The following EPHA7 variants were observed in gnomAD, a reference collection of about 807,000 sequenced individuals.
The protein encoded by EPHA7 is ephrin type-A receptor 7.
EPHA7 carries 25 observed loss-of-function variants against 112.6 expected under a neutral mutation model. The ratio of observed to expected loss-of-function variants is 0.22; its 90% confidence interval spans 0.16 to 0.31. The LOEUF (loss-of-function observed/expected upper bound fraction) is 0.31, where lower values mean the gene tolerates loss of function less well. Among genes scored for constraint, EPHA7 ranks in the 10% least tolerant of loss-of-function variants. The pLI is 1.00. For synonymous variants in EPHA7, 437 were observed against 406.5 expected (o/e 1.07, Z -0.90); for missense variants, 962 against 1,212.6 (o/e 0.79, Z 3.07).
In EPHA7 at chr6:93,411,075, C is replaced by T. The variant is rs1778953472; in HGVS notation, c.258G>A (p.Arg86=). 6.2e-7 allele frequency: 1 copy of T among 1,613,932 alleles called. No homozygotes were observed. The highest frequency in any genetic ancestry group is 8.5e-7 in the Non-Finnish European group (1 of 1,179,972). The change falls in exon 3 of 17, where the codon CGG becomes CGA. Residue 86 remains arginine, a synonymous_variant. Transcript: ENST00000369303. Reference sequence around the variant, plus strand: ...CATTGCCTTTGGAAATCCAGTTAGTCCGCAGCCAGTTGTTTTGGTTGGGCT... The same window carrying T: ...CATTGCCTTTGGAAATCCAGTTAGTTCGCAGCCAGTTGTTTTGGTTGGGCT... The part of the protein sequence containing the change: ...VMEPNQNNWL[R]TNWISKGNAQ...
rs1286521734 is a variant in EPHA7, at chr6:93,314,983, C to T, written c.1324+41734G>A. On this transcript the variant is annotated intron_variant, in intron 5 of 16. Coordinates refer to ENST00000369303, the MANE Select transcript of EPHA7 (RefSeq NM_004440.4). ...GTTCACGCCATTCTCCTGCCTCAGC[C>T]TCCCGAGTAGCTGGGACTACAGGCG... Among the ~76,000 whole-genome samples, 3 of 148,386 alleles carry T rather than the reference C, an allele frequency of 2.0e-5. 1 individual carries two copies. The highest frequency in any genetic ancestry group is 7.5e-5 in the African/African-American group (3 of 40,104).
chr6:93,412,879 T>G (rs113890007), intron 2 of EPHA7, among the ~76,000 whole-genome samples: 1,615 of 152,124 alleles, frequency 0.011, 14 homozygotes, highest in African/African-American at 0.036. Context: ...ACAAATTTAT[T>G]CATTTATTCT....
At chr6:93,305,585 A>C (rs1199216289) in intron 5 of EPHA7, among the ~76,000 whole-genome samples, 1 of 151,860 alleles carries the variant, frequency 6.6e-6, no homozygotes, top group African/African-American at 2.4e-5. Context: ...ACAACTAGTG[A>C]CTCTGAGTGT....
At chr6:93,366,294 A>G (rs1468360214) in intron 3 of EPHA7, among the ~76,000 whole-genome samples, 2 of 152,178 alleles carry the variant, frequency 1.3e-5, no homozygotes, top group African/African-American at 4.8e-5. Flanking sequence ...ACACTCCACC[A>G]TTTACTAGCA....
chr6:93,260,260 C>T (rs1168328663), intron 9 of EPHA7, among the ~76,000 whole-genome samples: 1 of 151,812 alleles, frequency 6.6e-6, no homozygotes, highest in Non-Finnish European at 1.5e-5. Flanking sequence ...CAATATGCCT[C>T]ACAAAAGGTA....
At chr6:93,258,356 T>G (rs1161055603) in intron 10 of EPHA7, 72 bp from the exon 11 acceptor site, 2 of 1,351,024 alleles carry the variant, frequency 1.5e-6, no homozygotes, top group Non-Finnish European at 2.0e-6. Flanking sequence ...GTAAATGCGT[T>G]GAATTATTTT....
chr6:93,357,073 TAAGTA>T (rs1259887106), intron 4 of EPHA7, 21 bp from the exon 5 acceptor site: 2 of 1,534,940 alleles, frequency 1.3e-6, no homozygotes, highest in Non-Finnish European at 1.8e-6. Context: ...CAAGAATAAA[TAAGTA>T]AATAAGCAAA....
At chr6:93,331,639 C>A (rs187953358) in intron 5 of EPHA7, among the ~76,000 whole-genome samples, 1 of 151,482 alleles carries the variant, frequency 6.6e-6, no homozygotes, top group East Asian at 1.9e-4. Flanking sequence ...TACCTAAGGA[C>A]AAATTATTAC....
At chr6:93,345,408 G>A (rs1027182923) in intron 5 of EPHA7, among the ~76,000 whole-genome samples, 7 of 151,674 alleles carry the variant, frequency 4.6e-5, no homozygotes, top group African/African-American at 1.7e-4. Context: ...TGTAGTCCTT[G>A]TGTCTTAAAC....
chr6:93,392,152 G>A (rs1291856410), intron 3 of EPHA7, among the ~76,000 whole-genome samples: 1 of 151,924 alleles, frequency 6.6e-6, no homozygotes, highest in Non-Finnish European at 1.5e-5. Flanking sequence ...CAGCTATGCT[G>A]ACAAAGCAGT....
intron 3 of EPHA7, among the ~76,000 whole-genome samples, chr6:93,389,095 A>G (rs905084953): frequency 2.0e-5 from 3 of 152,202 alleles, no homozygotes; most frequent in East Asian, 3.9e-4. Context: ...ATATTTGGAG[A>G]GAGAATCAAT....
chr6:93,257,531 T>TAAA lies in EPHA7; in HGVS notation c.2111-11_2111-9dup. On this transcript the variant is annotated splice_polypyrimidine_tract_variant and intron_variant, in intron 11 of 16. Coordinates refer to ENST00000369303, the MANE Select transcript of EPHA7 (RefSeq NM_004440.4). ...CTATCATGACTGGTTTCCCTAAAAT[T>TAAA]AAAAAAAAAAAGTTTCAGGAGTCGT... The TAAA allele has an allele frequency of 7.7e-7, 1 of 1,305,154 alleles. No homozygotes were observed. The highest frequency in any genetic ancestry group is 1.0e-6 in the Non-Finnish European group (1 of 957,956). The allele number at this position is 1,305,154 out of a possible 1,614,324, so 80.8% of individuals were successfully genotyped here. A position where few individuals can be genotyped will look rare whatever the true frequency, so the allele number is the denominator to read the frequency against.
At chr6:93,250,498 A>G (rs1770159016) in intron 14 of EPHA7, among the ~76,000 whole-genome samples, 1 of 152,132 alleles carries the variant, frequency 6.6e-6, no homozygotes, top group South Asian at 2.1e-4. Flanking sequence ...CGCACAGGAA[A>G]AAAAAGAGAG....
At chr6:93,331,491 A>C (rs1042232326) in intron 5 of EPHA7, among the ~76,000 whole-genome samples, 1 of 151,394 alleles carries the variant, frequency 6.6e-6, no homozygotes, top group Non-Finnish European at 1.5e-5. Context: ...CCAAACCTAG[A>C]CATGAGTCTT....
chr6:93,387,348 C>A (rs1262304301), intron 3 of EPHA7, among the ~76,000 whole-genome samples: 1 of 152,142 alleles, frequency 6.6e-6, no homozygotes, highest in Non-Finnish European at 1.5e-5. Flanking sequence ...GAGACCACCT[C>A]AGCCTGAACT....
intron 3 of EPHA7, among the ~76,000 whole-genome samples, chr6:93,366,983 A>G (rs1234810888): frequency 6.6e-6 from 1 of 152,026 alleles, no homozygotes; most frequent in Non-Finnish European, 1.5e-5. Context: ...CTGGACAGGA[A>G]AAGCAGTAAA....
chr6:93,311,734 T>A (rs950677947), intron 5 of EPHA7, among the ~76,000 whole-genome samples: 1 of 152,162 alleles, frequency 6.6e-6, no homozygotes, highest in Non-Finnish European at 1.5e-5. Flanking sequence ...AGTTTTCAAT[T>A]TACCTTGCCC....
At chr6:93,364,157 A>C (rs1394165402) in intron 3 of EPHA7, among the ~76,000 whole-genome samples, 1 of 152,154 alleles carries the variant, frequency 6.6e-6, no homozygotes, top group African/African-American at 2.4e-5. Context: ...CTATAACAAA[A>C]ATCCATATAT....
At chr6:93,312,709 C>T (rs1450121077) in intron 5 of EPHA7, among the ~76,000 whole-genome samples, 1 of 152,206 alleles carries the variant, frequency 6.6e-6, no homozygotes, top group African/African-American at 2.4e-5. Context: ...AGAGGTCTAG[C>T]TTTCGGCCTA....
Sources: allele counts gnomAD v4.1 joint callset (sites outside exome capture counted in the v4.1 genomes callset), GRCh38; gene constraint gnomAD v4.1.1; transcripts MANE v1.5; gene names NCBI Gene and HGNC (gene_info 2026-07-23, HGNC 2026-07-21).